Variants in PAPOLA observed in about 807,000 individuals in gnomAD.
PAPOLA encodes the protein polynucleotide adenylyltransferase alpha.
Under a neutral mutation model 100.6 loss-of-function variants are expected in PAPOLA, and 15 were observed. The observed-to-expected ratio is 0.15, with a 90% CI of 0.10 to 0.23. PAPOLA has a LOEUF of 0.23. PAPOLA is among the 10% of genes least tolerant of loss of function. The probability of loss-of-function intolerance (pLI) is 1.00; values close to 1 mark genes in which losing one functional copy is unlikely to be tolerated. For synonymous variants in PAPOLA, 293 were observed against 300.0 expected, an observed-to-expected ratio of 0.98 and a Z score of 0.24; for missense variants, 533 against 884.2, an observed-to-expected ratio of 0.60 and a Z score of 5.04.
intron 17 of PAPOLA, chr14:96,552,910 T>C (rs774234940): frequency 8.6e-6 from 3 of 349,722 alleles, no homozygotes; most frequent in Admixed American, 4.4e-5. Flanking sequence ...ACTGCTACAG[T>C]GCACTGTATG....
At chr14:96,507,280 GTTTTTTTTTTT>G (rs71103533) in intron 1 of PAPOLA, among the ~76,000 whole-genome samples, 5 of 80,704 alleles carry the variant, frequency 6.2e-5, no homozygotes, top group Non-Finnish European at 8.5e-5. Context: ...TTGGAAAATA[GTTTTTTTTTTT>G]TTTTTTTTTT....
chr14:96,532,231 T>C, intron 7 of PAPOLA, 100 bp from the exon 8 acceptor site: 1 of 1,427,310 alleles, frequency 7.0e-7, no homozygotes, highest in Non-Finnish European at 9.1e-7. Context: ...TTTGGAAGCA[T>C]TACCATTAAA....
At chr14:96,515,632 G>A (rs1391569241) in intron 1 of PAPOLA, among the ~76,000 whole-genome samples, 1 of 152,174 alleles carries the variant, frequency 6.6e-6, no homozygotes, top group African/African-American at 2.4e-5. Context: ...AAGAATTCAG[G>A]CAGTACCCTG....
At chr14:96,530,876 A>G (rs1207506965) in intron 6 of PAPOLA, among the ~76,000 whole-genome samples, 1 of 151,270 alleles carries the variant, frequency 6.6e-6, no homozygotes, top group African/African-American at 2.4e-5. Context: ...GTGCGGTGGC[A>G]TGGTTTTGAC....
At chr14:96,510,973 T>C (rs1212210466) in intron 1 of PAPOLA, among the ~76,000 whole-genome samples, 1 of 152,266 alleles carries the variant, frequency 6.6e-6, no homozygotes, top group Non-Finnish European at 1.5e-5. Flanking sequence ...TTTCTGTTCA[T>C]GTCCTTTGAA....
At chr14:96,554,036 C>T (rs1315417861) in intron 17 of PAPOLA, among the ~76,000 whole-genome samples, 2 of 152,052 alleles carry the variant, frequency 1.3e-5, no homozygotes, top group East Asian at 1.9e-4. Context: ...AAGAAACTAA[C>T]ATTTTAATAA....
At position 96,535,960 on chromosome 14, in the gene PAPOLA, G is replaced by A. The variant is rs200442417; in HGVS notation, c.991G>A (p.Val331Ile). The stretch of plus-strand genomic sequence containing the variant: ...ACAGAACTCCACGTACAATGTGTCC[G>A]TTTCAACACGGATGGTCATGGTTGA... ...PQQNSTYNVSVSTRMVMVEEF... is the reference protein window; with the variant it reads ...PQQNSTYNVSISTRMVMVEEF... Residue 331 changes from valine (V) to isoleucine (I), a missense_variant, in exon 11 of 22, where the codon GTT becomes ATT. Around this residue, in one of 9 missense-constraint regions of PAPOLA, gnomAD observed 87 missense variants for 173.3 expected, o/e 0.50. Coordinates refer to ENST00000216277, the MANE Select transcript of PAPOLA (RefSeq NM_032632.5). The A allele has an allele frequency of 2.9e-5, 46 of 1,606,806 alleles. No homozygotes were observed. Among genetic ancestry groups the A allele is most frequent in the African/African-American group, 1.1e-4 (8 of 74,784 alleles).
intron 1 of PAPOLA, among the ~76,000 whole-genome samples, chr14:96,510,815 TTTC>T (rs1897065497): frequency 6.6e-6 from 1 of 152,246 alleles, no homozygotes; most frequent in Non-Finnish European, 1.5e-5. Flanking sequence ...ATCGTTTTAA[TTTC>T]TTAGCAAATA....
rs564841933 is a variant in PAPOLA at position 96,553,844 on chromosome 14, G to A, written c.1664+1222G>A. 5.3e-5 allele frequency among the ~76,000 whole-genome samples: 8 copies of A among 152,302 alleles called. No individual in the cohort carries two copies. In the South Asian group the frequency reaches 1.7e-3, roughly 32 times the overall value. On this transcript the variant is annotated intron_variant, in intron 17 of 21. Transcript: ENST00000216277. ...ACAATTTAACCAATGGCAGAAGTGCGGGTTGGGGAGGATTCCCTGGATGAG... is the reference window on the plus strand; with the variant it reads ...ACAATTTAACCAATGGCAGAAGTGCAGGTTGGGGAGGATTCCCTGGATGAG...
At position 96,520,399 on chromosome 14, in the gene PAPOLA, C is replaced by T. The variant is rs574952070; in HGVS notation, c.182+171C>T. 2.9e-4 allele frequency among the ~76,000 whole-genome samples: 44 copies of T among 152,226 alleles called. No homozygotes were observed. In the South Asian group the frequency reaches 7.3e-3, roughly 25 times the overall value. ...GAGAGAAAACTTTTTGTTTTTGAGA[C>T]GGAGTCTTGCTCGTTACCCAGGCTG... On this transcript the variant is annotated intron_variant, in intron 2 of 21. Coordinates refer to ENST00000216277, the MANE Select transcript of PAPOLA (RefSeq NM_032632.5).
chr14:96,565,773 C>A lies in PAPOLA; in HGVS notation c.*723C>A, dbSNP rs1001430512. ...CAGCGATCAGCCAGCAAATATTTTT[C>A]TTTGAGCTTGTGAAAGCTCTGTGTT... On this transcript the variant is annotated 3_prime_UTR_variant, in exon 22 of 22. Transcript: ENST00000216277. The A allele has an allele frequency of 2.8e-5, 11 of 398,102 alleles. No individual in the cohort carries two copies. Among genetic ancestry groups the A allele is most frequent in the African/African-American group, 2.3e-4 (11 of 48,610 alleles). 24.7% of individuals were successfully genotyped at this position (398,102 alleles called of 1,614,324 possible).
At chr14:96,556,790 A>C (rs1014493610) in intron 19 of PAPOLA, among the ~76,000 whole-genome samples, 3 of 152,130 alleles carry the variant, frequency 2.0e-5, no homozygotes, top group Non-Finnish European at 4.4e-5. Context: ...CTGTGATCCA[A>C]AAGGAGTTTT....
Position 96,562,845 on chromosome 14 carries a change from A to G in PAPOLA, c.2094A>G (p.Thr698=), listed in dbSNP as rs762379087. 6 of 1,612,110 alleles carry G rather than the reference A, an allele frequency of 3.7e-6. No homozygotes were observed. Among genetic ancestry groups the G allele is most frequent in the African/African-American group, 1.3e-5 (1 of 74,842 alleles). The change falls in exon 21 of 22, where the codon ACA becomes ACG. Residue 698 remains threonine (T), a synonymous_variant. Coordinates refer to ENST00000216277, the MANE Select transcript of PAPOLA (RefSeq NM_032632.5). ...AKEQLDTETS[T]TQSETIQTAA... ...AACAACTTGATACAGAGACAAGTAC[A>G]ACTCAATCAGAAACTATTCAGACAG...
At chr14:96,522,387 G>A (rs1002929353) in intron 3 of PAPOLA, among the ~76,000 whole-genome samples, 12 of 151,690 alleles carry the variant, frequency 7.9e-5, no homozygotes, top group African/African-American at 2.7e-4. Flanking sequence ...TCAAAGTGCT[G>A]GGATTACAGG....
Position 96,566,058 on chromosome 14 carries a change from T to C in PAPOLA, c.*1008T>C. The stretch of plus-strand genomic sequence containing the variant: ...AAAGTAATGCCTGTGAAACATGATA[T>C]CTATCTGGGATGGCCATTTGATCTC... On this transcript the variant is annotated 3_prime_UTR_variant, in exon 22 of 22. Transcript: ENST00000216277. The C allele has an allele frequency of 2.5e-6, 1 of 396,232 alleles. No individual in the cohort carries two copies. Among genetic ancestry groups the C allele is most frequent in the Non-Finnish European group, 4.5e-6 (1 of 224,490 alleles). The allele number at this position is 396,232 out of a possible 1,614,324, so 24.5% of individuals were successfully genotyped here. A position where few individuals can be genotyped will look rare whatever the true frequency, so the allele number is the denominator to read the frequency against.
chr14:96,563,727 T>C (rs1902056398), intron 21 of PAPOLA, among the ~76,000 whole-genome samples: 1 of 152,162 alleles, frequency 6.6e-6, no homozygotes, highest in Non-Finnish European at 1.5e-5. Flanking sequence ...TCTAAAGATA[T>C]ATAAATATTA....
chr14:96,533,542 ATTTCT>A (rs1899230187), intron 9 of PAPOLA: 2 of 766,258 alleles, frequency 2.6e-6, no homozygotes, highest in African/African-American at 3.9e-5. Context: ...GAATGTCAGA[ATTTCT>A]TTTTTTTTTT....
intron 17 of PAPOLA, 75 bp downstream of exon 17, chr14:96,552,697 A>T (rs1595552951): frequency 7.7e-7 from 1 of 1,292,602 alleles, no homozygotes; most frequent in East Asian, 2.4e-5. Flanking sequence ...TTTTGCTATT[A>T]AAGTCATCTA....
chr14:96,507,280 G>GTTTTTTGTTTTTTTTTT (rs1413020909), intron 1 of PAPOLA, among the ~76,000 whole-genome samples: 4 of 80,722 alleles, frequency 5.0e-5, no homozygotes, highest in African/African-American at 2.3e-4. Context: ...TTGGAAAATA[G>GTTTTTTGTTTTTTTTTT]TTTTTTTTTT....
Sources: allele counts gnomAD v4.1 joint callset (sites outside exome capture counted in the v4.1 genomes callset), GRCh38; gene constraint gnomAD v4.1.1; regional missense constraint gnomAD v4.1.1; transcripts MANE v1.5; gene names NCBI Gene and HGNC (gene_info 2026-07-23, HGNC 2026-07-21).